Variants in SLAIN1 observed in about 807,000 individuals in gnomAD.
SLAIN1 encodes the protein SLAIN motif-containing protein 1.
A neutral mutation model predicts 55.4 loss-of-function variants in SLAIN1; 17 were observed. The observed-to-expected ratio is 0.31, with a 90% CI of 0.21 to 0.46. The LOEUF is 0.46. Ranked by LOEUF, SLAIN1 falls within the 20% of genes least tolerant of loss-of-function variation. The pLI, the probability that SLAIN1 is intolerant of heterozygous loss-of-function variation, is 1.00. For missense variants in SLAIN1, 682 were observed against 785.1 expected (o/e 0.87, Z 1.57); for synonymous variants, 348 against 337.4 (o/e 1.03, Z -0.35).
At chr13:77,748,590 C>T (rs575720900) in intron 4 of SLAIN1, among the ~76,000 whole-genome samples, 10 of 152,162 alleles carry the variant, frequency 6.6e-5, no homozygotes, top group African/African-American at 2.4e-4. Flanking sequence ...GATTAGGTTT[C>T]TGTGAATCCT....
At chr13:77,761,899 A>T (rs1875053006) in intron 6 of SLAIN1, among the ~76,000 whole-genome samples, 1 of 152,232 alleles carries the variant, frequency 6.6e-6, no homozygotes, top group South Asian at 2.1e-4. Flanking sequence ...GACAATAAAT[A>T]CAGACAGCTC....
At chr13:77,708,595 A>T (rs2091113671) in intron 1 of SLAIN1, among the ~76,000 whole-genome samples, 1 of 152,204 alleles carries the variant, frequency 6.6e-6, no homozygotes, top group Admixed American at 6.5e-5. Flanking sequence ...TTCTGCAGCT[A>T]CTGCTGGTGA....
At chr13:77,716,890 T>G (rs2091213132) in intron 1 of SLAIN1, among the ~76,000 whole-genome samples, 1 of 152,122 alleles carries the variant, frequency 6.6e-6, no homozygotes, top group South Asian at 2.1e-4. Context: ...TTGGCTAGGA[T>G]CTTCAGCAGA....
In SLAIN1 at chr13:77,749,791, CAGCT is replaced by C. The variant is rs1874081510; in HGVS notation, c.1258+2937_1258+2940del. Among the ~76,000 whole-genome samples the C allele has an allele frequency of 2.0e-5, 3 of 152,218 alleles. No homozygotes were observed. In the South Asian group the frequency reaches 6.2e-4, roughly 31 times the overall value. ...ATGGTCTGACACAAGTTGGAGATCA[CAGCT>C]TTGTTCCAAGGGGAATAGTGTCCTA... On this transcript the variant is annotated intron_variant, in intron 4 of 6. Transcript: ENST00000418532.
intron 2 of SLAIN1, among the ~76,000 whole-genome samples, chr13:77,737,653 T>C (rs1321316908): frequency 1.3e-5 from 2 of 152,126 alleles, no homozygotes; most frequent in East Asian, 1.9e-4. Flanking sequence ...AATGGTATCA[T>C]ATCCTGTGAG....
chr13:77,725,613 A>G (rs2091300543), intron 2 of SLAIN1, among the ~76,000 whole-genome samples: 1 of 152,238 alleles, frequency 6.6e-6, no homozygotes, highest in African/African-American at 2.4e-5. Flanking sequence ...TTTTGAAAAG[A>G]AAATTCTTCA....
At chr13:77,713,267 A>C (rs1218932805) in intron 1 of SLAIN1, among the ~76,000 whole-genome samples, 1 of 152,206 alleles carries the variant, frequency 6.6e-6, no homozygotes, top group East Asian at 1.9e-4. Context: ...AAATTTTTGC[A>C]ATCTATCCAC....
intron 6 of SLAIN1, 54 bp downstream of exon 6, chr13:77,761,164 C>G: frequency 6.5e-7 from 1 of 1,549,506 alleles, no homozygotes; most frequent in Non-Finnish European, 8.8e-7. Flanking sequence ...AGAAACTGCT[C>G]CAGACACACG....
chr13:77,698,511 G>A lies in SLAIN1; in HGVS notation c.598G>A (p.Ala200Thr). 2 of 1,450,038 alleles carry A rather than the reference G, an allele frequency of 1.4e-6. No homozygotes were observed. The highest frequency in any genetic ancestry group is 1.8e-6 in the Non-Finnish European group (2 of 1,108,720). 89.8% of individuals were successfully genotyped at this position (1,450,038 alleles called of 1,614,324 possible). Residue 200 changes from alanine (A) to threonine (T), a missense_variant, in exon 1 of 7, where the codon GCC (alanine) becomes ACC (threonine). By Grantham distance (58) the Ala-to-Thr change is moderately conservative. Coordinates refer to ENST00000418532, the MANE Select transcript of SLAIN1 (RefSeq NM_001242868.2). The surrounding 1 kb of genome is among the most constrained non-coding windows in gnomAD (Gnocchi z 4.1). ...ATTGCTGGATCTGGAGAGCGTAGCC[G>A]CCTGGCGGGACGAGGACGACTACAC... Reference protein sequence around the residue: ...VELLDLESVAAWRDEDDYTWL... With the variant: ...VELLDLESVATWRDEDDYTWL...
intron 1 of SLAIN1, among the ~76,000 whole-genome samples, chr13:77,708,882 A>G (rs1448595126): frequency 6.6e-6 from 1 of 152,130 alleles, no homozygotes; most frequent in African/African-American, 2.4e-5. Flanking sequence ...ACTCCTTGCC[A>G]GCAAGGGAAC....
chr13:77,716,793 A>G (rs2091212284), intron 1 of SLAIN1, among the ~76,000 whole-genome samples: 2 of 152,078 alleles, frequency 1.3e-5, no homozygotes. Flanking sequence ...GATTTTTTTT[A>G]CATAGATGAT....
At chr13:77,702,902 C>T (rs903317106) in intron 1 of SLAIN1, among the ~76,000 whole-genome samples, 1 of 152,082 alleles carries the variant, frequency 6.6e-6, no homozygotes, top group Non-Finnish European at 1.5e-5. Flanking sequence ...AAATATTAAA[C>T]GTATTTTTGC....
At chr13:77,762,005 A>G (rs1170105579) in intron 6 of SLAIN1, among the ~76,000 whole-genome samples, 2 of 152,206 alleles carry the variant, frequency 1.3e-5, no homozygotes, top group African/African-American at 4.8e-5. Flanking sequence ...TTATGCATTT[A>G]TGGATATATA....
At chr13:77,749,211 G>A (rs555285038) in intron 4 of SLAIN1, among the ~76,000 whole-genome samples, 48 of 152,228 alleles carry the variant, frequency 3.2e-4, no homozygotes, top group Admixed American at 1.4e-3. Flanking sequence ...AACTAGAAAT[G>A]TATATTAATA....
intron 3 of SLAIN1, among the ~76,000 whole-genome samples, chr13:77,745,104 G>A (rs770981776): frequency 1.1e-4 from 17 of 152,014 alleles, no homozygotes; most frequent in African/African-American, 1.9e-4. Flanking sequence ...AGAGGGTCTC[G>A]AAGCTGGATG....
At chr13:77,757,864 C>A (rs1220596361) in intron 5 of SLAIN1, among the ~76,000 whole-genome samples, 4 of 152,074 alleles carry the variant, frequency 2.6e-5, no homozygotes, top group Admixed American at 6.6e-5. Flanking sequence ...TATATCTAAG[C>A]CATTGCAAAT....
chr13:77,752,822 G>A (rs915574606), intron 4 of SLAIN1, among the ~76,000 whole-genome samples: 1 of 152,172 alleles, frequency 6.6e-6, no homozygotes, highest in African/African-American at 2.4e-5. Flanking sequence ...ATTCTTCTGC[G>A]CTTTTATCCT....
At chr13:77,701,731 A>ATTCT (rs146961423) in intron 1 of SLAIN1, among the ~76,000 whole-genome samples, 560 of 150,328 alleles carry the variant, frequency 3.7e-3, no homozygotes, top group African/African-American at 0.011. Context: ...CAGAACCTGA[A>ATTCT]TTCTTTCTTT....
chr13:77,750,205 A>C (rs1001764968), intron 4 of SLAIN1, among the ~76,000 whole-genome samples: 1 of 152,198 alleles, frequency 6.6e-6, no homozygotes, highest in African/African-American at 2.4e-5. Flanking sequence ...TAAATATGGC[A>C]AAATGGAAAC....
Sources: gnomAD v4.1 joint callset for allele counts (sites outside exome capture counted in the v4.1 genomes callset) on GRCh38, gnomAD v4.1.1 for gene constraint, Gnocchi (gnomAD v3.1) non-coding constraint, MANE v1.5 for transcripts, NCBI Gene and HGNC (gene_info 2026-07-23, HGNC 2026-07-21) for gene names.